Variants in AIMP1 observed in about 807,000 individuals in gnomAD.
The protein encoded by AIMP1 is aminoacyl tRNA synthase complex-interacting multifunctional protein 1.
Under a neutral mutation model 33.1 loss-of-function variants are expected in AIMP1, and 24 were observed. The ratio of observed to expected loss-of-function variants is 0.73; its 90% confidence interval spans 0.53 to 1.02. The LOEUF (loss-of-function observed/expected upper bound fraction) is 1.02. AIMP1 is among the 50% of genes least tolerant of loss of function. The pLI is 0.00. For synonymous variants in AIMP1, 120 were observed against 121.5 expected (o/e 0.99, Z 0.08); for missense variants, 367 against 364.8 (o/e 1.01, Z -0.05).
intron 5 of AIMP1, among the ~76,000 whole-genome samples, chr4:106,334,314 G>A (rs1466437804): frequency 6.8e-6 from 1 of 147,982 alleles, no homozygotes; most frequent in Non-Finnish European, 1.5e-5. Flanking sequence ...AGGCTGGAGT[G>A]CAGTGGGGCA....
chr4:106,336,849 C>G lies in AIMP1; in HGVS notation c.604-20C>G, dbSNP rs1359235707. On this transcript the variant is annotated intron_variant, in intron 5 of 6. Transcript: ENST00000672341. Reference sequence around the variant, plus strand: ...CTTAATCTGTGTACATCTTTACTTACCAGTTTATATTTCACACAGATGCAA... The same window carrying G: ...CTTAATCTGTGTACATCTTTACTTAGCAGTTTATATTTCACACAGATGCAA... 1 of 1,610,320 alleles carries G rather than the reference C, an allele frequency of 6.2e-7. No homozygotes were observed. The highest frequency in any genetic ancestry group is 1.3e-5 in the African/African-American group (1 of 74,920).
At chr4:106,335,196 T>C (rs1200536710) in intron 5 of AIMP1, among the ~76,000 whole-genome samples, 1 of 152,110 alleles carries the variant, frequency 6.6e-6, no homozygotes, top group African/African-American at 2.4e-5. Flanking sequence ...TTTTTAATAT[T>C]TATGTTATAT....
upstream of AIMP1, chr4:106,316,527 T>C (rs1486756813): frequency 1.3e-6 from 2 of 1,551,574 alleles, no homozygotes; most frequent in East Asian, 4.9e-5. Context: ...ACTGCTATAG[T>C]ACGCGGGTGG....
chr4:106,316,380 G>C (rs757479021), upstream of AIMP1: 3 of 663,294 alleles, frequency 4.5e-6, no homozygotes, highest in East Asian at 5.7e-5. Context: ...TGAAAATACT[G>C]GGTGAGGGAA....
intron 6 of AIMP1, among the ~76,000 whole-genome samples, chr4:106,339,743 TG>T (rs1770024793): frequency 6.6e-6 from 1 of 152,216 alleles, no homozygotes; most frequent in Admixed American, 6.5e-5. Flanking sequence ...TCTCTTATGC[TG>T]TAGATTGTCT....
chr4:106,324,334 A>C (rs1248764304), intron 1 of AIMP1, among the ~76,000 whole-genome samples: 2 of 152,010 alleles, frequency 1.3e-5, no homozygotes, highest in African/African-American at 4.8e-5. Context: ...TAACATGGTG[A>C]ATTAATCTCA....
chr4:106,326,205 G>A (rs531066049), intron 2 of AIMP1, among the ~76,000 whole-genome samples: 138 of 152,076 alleles, frequency 9.1e-4, no homozygotes, highest in African/African-American at 3.2e-3. Context: ...AAAATTTAGG[G>A]TATAATAAGC....
intron 4 of AIMP1, among the ~76,000 whole-genome samples, chr4:106,330,700 T>C (rs1277636317): frequency 6.6e-6 from 1 of 152,226 alleles, no homozygotes; most frequent in African/African-American, 2.4e-5. Flanking sequence ...GGACTGCCCA[T>C]CTTACTGTTT....
intron 4 of AIMP1, among the ~76,000 whole-genome samples, chr4:106,330,887 C>A (rs899324606): frequency 5.9e-5 from 9 of 152,090 alleles, no homozygotes; most frequent in African/African-American, 1.9e-4. Flanking sequence ...GAATATGAAT[C>A]CTCTTTGCAG....
chr4:106,339,399 G>A (rs915023039), intron 6 of AIMP1, among the ~76,000 whole-genome samples: 9 of 152,122 alleles, frequency 5.9e-5, no homozygotes, highest in Admixed American at 1.3e-4. Flanking sequence ...TTTTTCCTGT[G>A]CTGTTCTCAT....
chr4:106,316,239 G>A (rs909663112), upstream of AIMP1: 2 of 282,066 alleles, frequency 7.1e-6, no homozygotes, highest in Non-Finnish European at 1.4e-5. Context: ...CTTTTCTTCC[G>A]CCCTCACAGC....
At chr4:106,339,937 T>G (rs1770031993) in intron 6 of AIMP1, among the ~76,000 whole-genome samples, 1 of 152,204 alleles carries the variant, frequency 6.6e-6, no homozygotes, top group South Asian at 2.1e-4. Flanking sequence ...TTTTCTCTAA[T>G]AAAAATACTC....
chr4:106,348,835 A>C lies in AIMP1; in HGVS notation c.*1143A>C, dbSNP rs1237772960. ...ATCTGGGCCTTACCTTTACAGGTTC[A>C]ACAAAAGAATGGCATCAATAGAGGC... is the stretch of plus-strand genomic sequence containing the variant. On this transcript the variant is annotated 3_prime_UTR_variant, in exon 7 of 7. Transcript: ENST00000672341. 1 of 152,112 alleles carries C rather than the reference A, an allele frequency of 6.6e-6. No individual in the cohort carries two copies. Among genetic ancestry groups the C allele is most frequent in the Non-Finnish European group, 1.5e-5 (1 of 68,008 alleles). 9.4% of individuals were successfully genotyped at this position (152,112 alleles called of 1,614,324 possible). A position where few individuals can be genotyped will look rare whatever the true frequency, so the allele number is the denominator to read the frequency against.
intron 2 of AIMP1, among the ~76,000 whole-genome samples, chr4:106,326,527 G>T (rs1769458239): frequency 6.6e-6 from 1 of 151,858 alleles, no homozygotes; most frequent in African/African-American, 2.4e-5. Context: ...TTACCCCATT[G>T]CACACTTTTA....
chr4:106,321,910 T>A (rs934077113), intron 1 of AIMP1, among the ~76,000 whole-genome samples: 1 of 152,120 alleles, frequency 6.6e-6, no homozygotes, highest in African/African-American at 2.4e-5. Flanking sequence ...AACCCCGTGC[T>A]CTCTGAAACA....
chr4:106,323,703 A>T (rs191801237), intron 1 of AIMP1, among the ~76,000 whole-genome samples: 1 of 152,070 alleles, frequency 6.6e-6, no homozygotes, highest in Non-Finnish European at 1.5e-5. Flanking sequence ...TAACATAAGT[A>T]ATGATGAAAT....
chr4:106,324,973 T>G lies in AIMP1; in HGVS notation c.-25-12T>G. 6.3e-7 allele frequency: 1 copy of G among 1,587,488 alleles called. No individual in the cohort carries two copies. The highest frequency in any genetic ancestry group is 8.6e-7 in the Non-Finnish European group (1 of 1,168,240). On this transcript the variant is annotated splice_polypyrimidine_tract_variant and intron_variant, in intron 1 of 6. Coordinates refer to ENST00000672341, the MANE Select transcript of AIMP1 (RefSeq NM_001142416.2). ...TTCACAGTGTAATTTATCACTTTTA[T>G]TTTTCCTATAGGATTTTCTGCCGTC... is the stretch of plus-strand genomic sequence containing the variant.
At chr4:106,339,140 C>A (rs1367501647) in intron 6 of AIMP1, among the ~76,000 whole-genome samples, 2 of 152,172 alleles carry the variant, frequency 1.3e-5, no homozygotes, top group African/African-American at 4.8e-5. Flanking sequence ...AGGGACTTGT[C>A]TTGTCTCAGA....
At chr4:106,316,719 C>T in intron 1 of AIMP1, 125 bp downstream of exon 1, 1 of 851,208 alleles carries the variant, frequency 1.2e-6, no homozygotes, top group Non-Finnish European at 1.8e-6. Flanking sequence ...AGTCCGTTCG[C>T]AGCAGGACCA....
Sources: gnomAD v4.1 joint callset for allele counts (sites outside exome capture counted in the v4.1 genomes callset) on GRCh38, gnomAD v4.1.1 for gene constraint, MANE v1.5 for transcripts, NCBI Gene and HGNC (gene_info 2026-07-23, HGNC 2026-07-21) for gene names.